Variants in COPB2 observed in about 807,000 individuals in gnomAD.
COPB2 encodes coat protein complex I subunit beta 2, also known as coatomer subunit beta'.
COPB2 carries 16 observed loss-of-function variants against 120.8 expected under a neutral mutation model. The ratio of observed to expected loss-of-function variants is 0.13; its 90% CI spans 0.09 to 0.20. COPB2 has a LOEUF of 0.20. Ranked by LOEUF, COPB2 falls within the 10% of genes least tolerant of loss-of-function variation. The probability of loss-of-function intolerance (pLI) is 1.00; values close to 1 mark genes in which losing one functional copy is unlikely to be tolerated. For synonymous variants in COPB2, 332 were observed against 366.3 expected, an observed-to-expected ratio of 0.91 and a Z score of 1.07; for missense variants, 794 against 1,076.5, an observed-to-expected ratio of 0.74 and a Z score of 3.67.
intron 20 of COPB2, chr3:139,358,522 C>CA: frequency 3.3e-6 from 2 of 598,472 alleles, no homozygotes; most frequent in Non-Finnish European, 5.9e-6. Context: ...AATAAAAATA[C>CA]AAAAAAATTA....
intron 9 of COPB2, 131 bp downstream of exon 9, chr3:139,373,082 T>C: frequency 1.2e-6 from 1 of 847,176 alleles, no homozygotes; most frequent in Non-Finnish European, 1.9e-6. Flanking sequence ...GTGTTGAGGA[T>C]TGTGAGGCCA....
At chr3:139,373,907 A>G (rs762677440) in intron 7 of COPB2, 99 bp from the exon 8 acceptor site, 72 of 1,426,228 alleles carry the variant, frequency 5.0e-5, no homozygotes, top group Middle Eastern at 2.0e-4. Flanking sequence ...ATTCAAACAG[A>G]TAACACTTCC....
At chr3:139,373,611 T>C in intron 8 of COPB2, 55 bp downstream of exon 8, 1 of 1,609,534 alleles carries the variant, frequency 6.2e-7, no homozygotes, top group Non-Finnish European at 8.5e-7. Flanking sequence ...AGTACTAAAA[T>C]ACAAAGAAAA....
chr3:139,359,159 C>T lies in COPB2; in HGVS notation c.2323G>A (p.Glu775Lys). The T allele has an allele frequency of 6.2e-7, 1 of 1,613,686 alleles. No individual in the cohort carries two copies. Among genetic ancestry groups the T allele is most frequent in the Non-Finnish European group, 8.5e-7 (1 of 1,179,904 alleles). Residue 775 changes from glutamate to lysine, a missense_variant, in exon 19 of 22, where the codon GAG (glutamate) becomes AAG (lysine). Glu to Lys is a moderately conservative substitution (Grantham distance 56). Around this residue, in one of 3 missense-constraint regions of COPB2, gnomAD observed 178 missense variants for 183.2 expected, o/e 0.97. Coordinates refer to ENST00000333188, the MANE Select transcript of COPB2 (RefSeq NM_004766.3). ...QVSRVVKLWR[E>K]NLSKVNQKAA... Reference sequence around the variant, plus strand: ...TTCTGATTGACTTTTGAGAGATTCTCTCTCCAGAGTTTCACTACCCTATTA... The same window carrying T: ...TTCTGATTGACTTTTGAGAGATTCTTTCTCCAGAGTTTCACTACCCTATTA...
intron 1 of COPB2, among the ~76,000 whole-genome samples, chr3:139,384,717 T>C (rs1560022470): frequency 6.6e-6 from 1 of 152,248 alleles, no homozygotes; most frequent in Non-Finnish European, 1.5e-5. Flanking sequence ...ATTTTTACTG[T>C]TTCATCAATG....
At chr3:139,386,128 C>T (rs1941914957) in intron 1 of COPB2, among the ~76,000 whole-genome samples, 2 of 152,138 alleles carry the variant, frequency 1.3e-5, no homozygotes, top group African/African-American at 4.8e-5. Context: ...GTTCTACCCA[C>T]GCCTCCTTCA....
chr3:139,371,897 C>T (rs1232040606), intron 9 of COPB2, 64 bp from the exon 10 acceptor site: 1 of 1,126,170 alleles, frequency 8.9e-7, no homozygotes, highest in Non-Finnish European at 1.3e-6. Context: ...AGTTAAGGAA[C>T]AATAATTCAT....
rs1305876963 is a variant in COPB2, at chr3:139,358,957, T to C, written c.2484+41A>G. On this transcript the variant is annotated intron_variant, in intron 19 of 21. Coordinates refer to ENST00000333188, the MANE Select transcript of COPB2 (RefSeq NM_004766.3). ...TGAAGTCCTGAATGTACTTCCACCC[T>C]GTAGTTACAATAAATGAAGCTTGAC... 4 of 1,600,716 alleles carry C rather than the reference T, an allele frequency of 2.5e-6. No homozygotes were observed. The Admixed American group carries it at 6.8e-5, about 27-fold the overall frequency.
At chr3:139,381,908 A>AG in intron 2 of COPB2, 1 of 33,848 alleles carries the variant, frequency 3.0e-5, no homozygotes, top group South Asian at 1.1e-3. Context: ...CAAAAAGCAA[A>AG]AAAAAAAAGT....
Position 139,374,227 on chromosome 3 carries a change from T to C in COPB2, c.751+262A>G. On this transcript the variant is annotated intron_variant, in intron 7 of 21. Coordinates refer to ENST00000333188, the MANE Select transcript of COPB2 (RefSeq NM_004766.3). The stretch of plus-strand genomic sequence containing the variant: ...GTTTGACTCCAAAGCACATGCTTTT[T>C]CAGTTTCTCTTTAGGACAGCTGACG... The C allele has an allele frequency of 6.4e-6, 3 of 466,670 alleles. No homozygotes were observed. The South Asian group carries it at 8.4e-5, about 13-fold the overall frequency. The allele number at this position is 466,670 out of a possible 1,614,324, so 28.9% of individuals were successfully genotyped here.
At chr3:139,366,525 T>C in intron 15 of COPB2, 43 bp downstream of exon 15, 1 of 1,540,126 alleles carries the variant, frequency 6.5e-7, no homozygotes, top group Middle Eastern at 1.7e-4. Context: ...GCTTTCAAAT[T>C]GCAAGTTTTA....
intron 2 of COPB2, chr3:139,379,718 C>T (rs1576377744): frequency 2.6e-6 from 1 of 391,112 alleles, no homozygotes; most frequent in East Asian, 4.8e-5. Context: ...ATCCTCTGTG[C>T]TCCAGCCCTT....
intron 15 of COPB2, among the ~76,000 whole-genome samples, chr3:139,365,516 A>G (rs1941498522): frequency 6.6e-6 from 1 of 152,210 alleles, no homozygotes; most frequent in African/African-American, 2.4e-5. Context: ...GCTGAAGGGC[A>G]TGTTCCCCTA....
At chr3:139,384,172 C>T (rs1941869108) in intron 1 of COPB2, among the ~76,000 whole-genome samples, 1 of 152,178 alleles carries the variant, frequency 6.6e-6, no homozygotes, top group South Asian at 2.1e-4. Context: ...GTTTATACTT[C>T]GTTACATTAA....
At chr3:139,365,818 A>G (rs1469837954) in intron 15 of COPB2, among the ~76,000 whole-genome samples, 1 of 152,250 alleles carries the variant, frequency 6.6e-6, no homozygotes, top group African/African-American at 2.4e-5. Context: ...GGAAAGCTAG[A>G]TAATATGCTA....
At chr3:139,389,178 T>C (rs977943367) in intron 1 of COPB2, among the ~76,000 whole-genome samples, 1 of 152,144 alleles carries the variant, frequency 6.6e-6, no homozygotes, top group African/African-American at 2.4e-5. Flanking sequence ...GGAGTGTAGA[T>C]TAACTACCAC....
Position 139,367,114 on chromosome 3 carries a change from G to C in COPB2, c.1577C>G (p.Thr526Arg), listed in dbSNP as rs1941531616. ...VLGEIQEIVK[T>R]GLWVGDCFIY... The stretch of plus-strand genomic sequence containing the variant: ...GAAGCAATCGCCTACCCAAAGCCCT[G>C]TTTTCACAATTTCCTGAATCTCACC... The change falls in exon 14 of 22, where the codon ACA becomes AGA. Residue 526 changes from threonine to arginine, a missense_variant. Thr to Arg is a moderately conservative substitution (Grantham distance 71, BLOSUM62 -1). Around this residue, in one of 3 missense-constraint regions of COPB2, gnomAD observed 610 missense variants for 866.7 expected, o/e 0.70. Transcript: ENST00000333188. 1 of 1,613,660 alleles carries C rather than the reference G, an allele frequency of 6.2e-7. No homozygotes were observed.
intron 3 of COPB2, 26 bp downstream of exon 3, chr3:139,379,354 A>T (rs764158353): frequency 1.1e-5 from 17 of 1,603,958 alleles, no homozygotes; most frequent in Middle Eastern, 1.7e-4. Context: ...AGAAAATGGG[A>T]ATAGAGATTC....
chr3:139,358,817 CAG>C lies in COPB2; in HGVS notation c.2485-7_2485-6del, dbSNP rs1466978693. On this transcript the variant is annotated splice_region_variant and splice_polypyrimidine_tract_variant and intron_variant, in intron 19 of 21. Coordinates refer to ENST00000333188, the MANE Select transcript of COPB2 (RefSeq NM_004766.3). ...GACATTTCTCTCTTCATTTGGCTAT[CAG>C]AGAATAAAGCAATGATGAAATGAGA... 8.7e-6 allele frequency: 14 copies of C among 1,610,540 alleles called. No individual in the cohort carries two copies. The highest frequency in any genetic ancestry group is 1.1e-5 in the Non-Finnish European group (13 of 1,177,018).
Sources: gnomAD v4.1 joint callset for allele counts (sites outside exome capture counted in the v4.1 genomes callset) on GRCh38, gnomAD v4.1.1 for gene constraint, gnomAD v4.1.1 regional missense constraint, MANE v1.5 for transcripts, NCBI Gene and HGNC (gene_info 2026-07-23, HGNC 2026-07-21) for gene names.